Variants in XYLT1 observed in about 807,000 individuals in gnomAD.
The protein encoded by XYLT1 is beta-D-xylosyltransferase 1.
Under a neutral mutation model 91.3 loss-of-function variants are expected in XYLT1, and 36 were observed. The ratio of observed to expected loss-of-function variants is 0.39; its 90% CI spans 0.30 to 0.52. The LOEUF is 0.52. XYLT1 is among the 20% of genes least tolerant of loss of function. The pLI is 0.68. For missense variants in XYLT1, 1,242 were observed against 1,284.5 expected, an observed-to-expected ratio of 0.97 and a Z score of 0.51; for synonymous variants, 588 against 532.0, an observed-to-expected ratio of 1.11 and a Z score of -1.45.
At chr16:17,266,132 C>T (rs996796231) in intron 2 of XYLT1, among the ~76,000 whole-genome samples, 3 of 152,138 alleles carry the variant, frequency 2.0e-5, no homozygotes, top group Non-Finnish European at 4.4e-5. Context: ...CCTCTATTAT[C>T]GTCTATAGCA....
At chr16:17,200,436 G>A in intron 4 of XYLT1, 46 bp downstream of exon 4, 1 of 1,592,354 alleles carries the variant, frequency 6.3e-7, no homozygotes. Context: ...GGGACGGACA[G>A]ACCCCGAAGA....
intron 2 of XYLT1, among the ~76,000 whole-genome samples, chr16:17,260,265 C>T (rs2033703513): frequency 6.6e-6 from 1 of 152,118 alleles, no homozygotes; most frequent in Non-Finnish European, 1.5e-5. Context: ...CTCAGCTCCT[C>T]CATGGGTAAA....
intron 1 of XYLT1, among the ~76,000 whole-genome samples, chr16:17,439,443 T>C (rs759667387): frequency 7.9e-5 from 12 of 152,166 alleles, no homozygotes; most frequent in Admixed American, 2.0e-4. Flanking sequence ...TAAATTACAG[T>C]CATCCTTCCA....
At position 17,242,063 on chromosome 16, in the gene XYLT1, A is replaced by G. The variant is rs571523892; in HGVS notation, c.913+16925T>C. Among the ~76,000 whole-genome samples the G allele has an allele frequency of 4.6e-5, 7 of 152,332 alleles. No homozygotes were observed. In the South Asian group the frequency reaches 1.4e-3, roughly 32 times the overall value. ...GATCTCCTGGGACTTATTCACCATC[A>G]TAAGAACAGCAAAAGAAAGACCCAC... On this transcript the variant is annotated intron_variant, in intron 3 of 11. Coordinates refer to ENST00000261381, the MANE Select transcript of XYLT1 (RefSeq NM_022166.4).
At chr16:17,313,155 C>A (rs142134529) in intron 2 of XYLT1, among the ~76,000 whole-genome samples, 1 of 152,226 alleles carries the variant, frequency 6.6e-6, no homozygotes, top group Admixed American at 6.5e-5. Flanking sequence ...CTGGCCTGGG[C>A]TGCCTGCCAA....
chr16:17,239,268 GTCCATCCATCCATGATCCA>G (rs1567336751), intron 3 of XYLT1, among the ~76,000 whole-genome samples: 4 of 145,192 alleles, frequency 2.8e-5, no homozygotes, highest in African/African-American at 7.7e-5. Context: ...CACCCACCCA[GTCCATCCATCCATGATCCA>G]TCCATCCATC....
At chr16:17,368,792 C>G (rs2035488360) in intron 1 of XYLT1, among the ~76,000 whole-genome samples, 3 of 152,052 alleles carry the variant, frequency 2.0e-5, no homozygotes, top group Admixed American at 2.0e-4. Flanking sequence ...CTATGTTGCC[C>G]AGGCTGGTCT....
Position 17,316,455 on chromosome 16 carries a change from G to C in XYLT1, c.402+41557C>G, listed in dbSNP as rs1016707141. Reference sequence around the variant, plus strand: ...TCTGTCGCCCCGGCTGGAGTGCTGTGGTGTGATCTCTGCTCACTGCAGCCT... The same window carrying C: ...TCTGTCGCCCCGGCTGGAGTGCTGTCGTGTGATCTCTGCTCACTGCAGCCT... On this transcript the variant is annotated intron_variant, in intron 2 of 11. Coordinates refer to ENST00000261381, the MANE Select transcript of XYLT1 (RefSeq NM_022166.4). 3.2e-4 allele frequency among the ~76,000 whole-genome samples: 49 copies of C among 151,960 alleles called. 1 individual carries two copies. Among genetic ancestry groups the C allele is most frequent in the Admixed American group, 6.6e-4 (10 of 15,256 alleles).
intron 5 of XYLT1, among the ~76,000 whole-genome samples, chr16:17,189,517 A>G (rs560539338): frequency 6.6e-6 from 1 of 152,352 alleles, no homozygotes; most frequent in Admixed American, 6.5e-5. Flanking sequence ...CATACAGTGC[A>G]GATACAACAT....
intron 2 of XYLT1, among the ~76,000 whole-genome samples, chr16:17,353,535 TA>T (rs2035249395): frequency 2.6e-5 from 4 of 152,216 alleles, no homozygotes; most frequent in Admixed American, 2.0e-4. Flanking sequence ...TTTGTTCTTT[TA>T]AAATAAATTT....
intron 3 of XYLT1, among the ~76,000 whole-genome samples, chr16:17,215,641 G>A (rs535940727): frequency 6.6e-6 from 1 of 152,164 alleles, no homozygotes; most frequent in Non-Finnish European, 1.5e-5. Context: ...ACAACTCAAG[G>A]AGGCCAGGGA....
In XYLT1 at chr16:17,198,257, G is replaced by A; in HGVS notation, c.1244C>T (p.Pro415Leu). ...MRDLLEMTDW[P>L]WDFFINLSAA... ...ACTCAGGTTGATGAAGAAGTCCCAG[G>A]GCCAGTCGGTCATCTCCAGGAGGTC... The change falls in exon 5 of 12, where the codon CCC (proline) becomes CTC (leucine). Residue 415 changes from proline to leucine, a missense_variant. This residue lies in a region of XYLT1 where 294 missense variants were observed against 376.0 expected (regional missense o/e 0.78). Transcript: ENST00000261381. The A allele has an allele frequency of 6.2e-7, 1 of 1,614,180 alleles. No homozygotes were observed. Among genetic ancestry groups the A allele is most frequent in the Admixed American group, 1.7e-5 (1 of 60,034 alleles).
intron 6 of XYLT1, among the ~76,000 whole-genome samples, chr16:17,153,638 A>T (rs2031336434): frequency 6.6e-6 from 1 of 152,204 alleles, no homozygotes; most frequent in East Asian, 1.9e-4. Flanking sequence ...TATTCGAAGC[A>T]TAATATCCAT....
chr16:17,465,027 C>T (rs1166341127), intron 1 of XYLT1, among the ~76,000 whole-genome samples: 9 of 151,238 alleles, frequency 6.0e-5, no homozygotes, highest in African/African-American at 2.2e-4. Context: ...GCCTGTAATC[C>T]CAGCTACTCA....
intron 6 of XYLT1, among the ~76,000 whole-genome samples, chr16:17,150,715 C>T (rs1029325053): frequency 6.6e-6 from 1 of 152,032 alleles, no homozygotes; most frequent in Non-Finnish European, 1.5e-5. Context: ...CCACAAGGTT[C>T]TAATAAGTAA....
intron 3 of XYLT1, among the ~76,000 whole-genome samples, chr16:17,207,985 TTTTTTC>T (rs989976724): frequency 1.3e-5 from 2 of 152,148 alleles, no homozygotes; most frequent in African/African-American, 4.8e-5. Flanking sequence ...TTAATGACTT[TTTTTTC>T]TTTTTCTTTT....
intron 1 of XYLT1, among the ~76,000 whole-genome samples, chr16:17,365,206 T>G (rs932965379): frequency 6.6e-6 from 1 of 152,186 alleles, no homozygotes; most frequent in Non-Finnish European, 1.5e-5. Context: ...CACCCTCCAC[T>G]TTCCAGCATT....
intron 10 of XYLT1, among the ~76,000 whole-genome samples, chr16:17,119,473 C>T (rs1223854959): frequency 2.0e-5 from 3 of 152,140 alleles, no homozygotes; most frequent in East Asian, 1.9e-4. Flanking sequence ...GCACGAAGGT[C>T]GGGTGTGGAT....
intron 2 of XYLT1, among the ~76,000 whole-genome samples, chr16:17,348,876 T>C (rs1214328373): frequency 6.6e-6 from 1 of 152,242 alleles, no homozygotes; most frequent in African/African-American, 2.4e-5. Context: ...ATGGAGAAGA[T>C]CGCTTCAGCT....
Sources: gnomAD v4.1 joint callset for allele counts (sites outside exome capture counted in the v4.1 genomes callset) on GRCh38, gnomAD v4.1.1 for gene constraint, gnomAD v4.1.1 regional missense constraint, MANE v1.5 for transcripts, NCBI Gene and HGNC (gene_info 2026-07-23, HGNC 2026-07-21) for gene names.